Variants in DNAH6 observed in about 807,000 individuals in gnomAD.
DNAH6 encodes axonemal beta dynein heavy chain 6.
Under a neutral mutation model 491.4 loss-of-function variants are expected in DNAH6, and 340 were observed. The ratio of observed to expected loss-of-function variants is 0.69; its 90% CI spans 0.63 to 0.76. The LOEUF (loss-of-function observed/expected upper bound fraction) is 0.76, where lower values mean the gene tolerates loss of function less well. Among genes scored for constraint, DNAH6 ranks in the 30% least tolerant of loss-of-function variants. The probability of loss-of-function intolerance (pLI) is 0.00; values close to 1 mark genes in which losing one functional copy is unlikely to be tolerated. For missense variants in DNAH6, 4,443 were observed against 4,972.2 expected (o/e 0.89, Z 3.20); for synonymous variants, 1,603 against 1,686.1 (o/e 0.95, Z 1.21).
the DNAH6 span, among the ~76,000 whole-genome samples, chr2:84,469,670 G>A: frequency 6.6e-6 from 1 of 152,120 alleles, no homozygotes; most frequent in South Asian, 2.1e-4. This position sits in a 1 kb window ranked among gnomAD's most constrained non-coding sequence, Gnocchi z 4.0. Flanking sequence ...GGTAACAAAG[G>A]GATCTTTTCC....
At chr2:84,540,644 G>T (rs1223203504) in intron 4 of DNAH6, among the ~76,000 whole-genome samples, 1 of 152,096 alleles carries the variant, frequency 6.6e-6, no homozygotes. Flanking sequence ...ATAGGACAAT[G>T]ATTGACCTAC....
intron 21 of DNAH6, 105 bp from the exon 22 acceptor site, chr2:84,611,569 C>G (rs1686336386): frequency 9.8e-7 from 1 of 1,016,566 alleles, no homozygotes; most frequent in Admixed American, 2.5e-5. Flanking sequence ...TAACACCACC[C>G]TCAAGGAAAA....
chr2:84,563,706 C>A (rs1680892734), intron 11 of DNAH6, among the ~76,000 whole-genome samples: 2 of 152,120 alleles, frequency 1.3e-5, no homozygotes, highest in African/African-American at 4.8e-5. Context: ...AATTTGGTGC[C>A]ACTTGTCAAT....
Position 84,625,040 on chromosome 2 carries a change from T to TC in DNAH6, c.4492_4493insC (p.Cys1498SerfsTer27). The TC allele has an allele frequency of 6.5e-7, 1 of 1,547,752 alleles. No individual in the cohort carries two copies. ...TGCCATCCAGTGTGTGGTCTTTAAC[T>TC]GTTCAGATGGTTTGGACTACAAGGT... On this transcript the variant is annotated frameshift_variant, in exon 29 of 77. Coordinates refer to ENST00000389394, the MANE Select transcript of DNAH6 (RefSeq NM_001370.2). LOFTEE classifies it high-confidence loss of function.
At chr2:84,701,580 G>A (rs1182718701) in intron 49 of DNAH6, among the ~76,000 whole-genome samples, 1 of 152,058 alleles carries the variant, frequency 6.6e-6, no homozygotes, top group Non-Finnish European at 1.5e-5. Context: ...GGGAGGCCTC[G>A]GGAAACTTTC....
In DNAH6 at chr2:84,645,056, C is replaced by T. The variant is rs1242979436; in HGVS notation, c.5078+3002C>T. On this transcript the variant is annotated intron_variant, in intron 33 of 76. Coordinates refer to ENST00000389394, the MANE Select transcript of DNAH6 (RefSeq NM_001370.2). The stretch of plus-strand genomic sequence containing the variant: ...TGGTTGAACTAATTTACACTCCCAC[C>T]AACAGTGTAAAAGCATTCTTTTTTC... Among the ~76,000 whole-genome samples, 3 of 152,278 alleles carry T rather than the reference C, an allele frequency of 2.0e-5. No individual in the cohort carries two copies. The East Asian group carries it at 5.8e-4, about 29-fold the overall frequency.
At chr2:84,756,336 G>A (rs1047723186) in intron 63 of DNAH6, among the ~76,000 whole-genome samples, 14 of 152,290 alleles carry the variant, frequency 9.2e-5, no homozygotes, top group Middle Eastern at 3.4e-3. Context: ...ACAAGAGTAT[G>A]CAATAATTAT....
Position 84,634,523 on chromosome 2 carries a change from G to A in DNAH6, c.4535G>A (p.Ser1512Asn), listed in dbSNP as rs1315240805. Reference protein sequence around the residue: ...LDYKMMGRFFSGLAQSGAWCC... With the variant: ...LDYKMMGRFFNGLAQSGAWCC... ...TTTCAGATGATGGGGCGCTTCTTCAGTGGCTTGGCACAGTCAGGGGCCTGG... is the reference window on the plus strand; with the variant it reads ...TTTCAGATGATGGGGCGCTTCTTCAATGGCTTGGCACAGTCAGGGGCCTGG... The change falls in exon 30 of 77, where the codon AGT becomes AAT. Residue 1512 changes from serine (S) to asparagine (N), a missense_variant. Ser to Asn is a conservative substitution (Grantham distance 46). Coordinates refer to ENST00000389394, the MANE Select transcript of DNAH6 (RefSeq NM_001370.2). The A allele has an allele frequency of 6.5e-7, 1 of 1,543,620 alleles. No homozygotes were observed. The highest frequency in any genetic ancestry group is 2.5e-5 in the East Asian group (1 of 40,550).
chr2:84,555,876 A>G (rs1048502289), intron 10 of DNAH6, among the ~76,000 whole-genome samples: 1 of 152,082 alleles, frequency 6.6e-6, no homozygotes, highest in Admixed American at 6.5e-5. Context: ...GTGCTGAGCC[A>G]TGGTTGCACC....
At chr2:84,589,711 CAAAAAA>C (rs1301777970) in intron 16 of DNAH6, among the ~76,000 whole-genome samples, 3 of 58,334 alleles carry the variant, frequency 5.1e-5, no homozygotes, top group South Asian at 5.7e-4. Context: ...GACCCTGTCT[CAAAAAA>C]AAAAAAAAAA....
At chr2:84,637,720 T>A (rs1285354282) in intron 31 of DNAH6, among the ~76,000 whole-genome samples, 1 of 152,192 alleles carries the variant, frequency 6.6e-6, no homozygotes, top group Non-Finnish European at 1.5e-5. Context: ...TATTTCTCTT[T>A]GCACATTATT....
chr2:84,675,153 A>G (rs924576549), intron 40 of DNAH6, among the ~76,000 whole-genome samples: 1 of 152,120 alleles, frequency 6.6e-6, no homozygotes, highest in Non-Finnish European at 1.5e-5. Flanking sequence ...TTTCACCCTC[A>G]TGGAGCACTG....
chr2:84,672,774 C>T (rs1476304293), intron 40 of DNAH6, among the ~76,000 whole-genome samples: 6 of 152,136 alleles, frequency 3.9e-5, no homozygotes, highest in African/African-American at 1.4e-4. Flanking sequence ...AGGGCTTACC[C>T]TAATGGCCTC....
intron 31 of DNAH6, among the ~76,000 whole-genome samples, chr2:84,639,207 A>G (rs1416369871): frequency 6.6e-6 from 1 of 152,102 alleles, no homozygotes; most frequent in African/African-American, 2.4e-5. Context: ...CCCTCTCTAC[A>G]AACAGGGACA....
At chr2:84,506,880 T>C in the DNAH6 span, among the ~76,000 whole-genome samples, 15 of 152,166 alleles carry the variant, frequency 9.9e-5, no homozygotes, top group African/African-American at 3.6e-4. Flanking sequence ...TAGTTGTAGA[T>C]ATGTGGCATT....
At chr2:84,649,544 T>A (rs376193951) in intron 33 of DNAH6, among the ~76,000 whole-genome samples, 27 of 152,170 alleles carry the variant, frequency 1.8e-4, no homozygotes, top group African/African-American at 6.5e-4. Context: ...ATATTTCCCC[T>A]GGATATAGGA....
At chr2:84,569,920 T>C (rs1488142708) in intron 11 of DNAH6, among the ~76,000 whole-genome samples, 1 of 152,232 alleles carries the variant, frequency 6.6e-6, no homozygotes, top group Non-Finnish European at 1.5e-5. Context: ...TGTGGAAAGA[T>C]AAAGAAATGT....
rs937195881 is a variant in DNAH6 at position 84,653,626 on chromosome 2, A to G, written c.5386A>G (p.Ile1796Val). The G allele has an allele frequency of 3.2e-6, 5 of 1,551,284 alleles. No individual in the cohort carries two copies. The East Asian group carries it at 1.2e-4, about 38-fold the overall frequency. Residue 1796 changes from isoleucine (I) to valine (V), a missense_variant, in exon 34 of 77, where the codon ATT becomes GTT. This residue lies in a region of DNAH6 where 2,977 missense variants were observed against 3,296.6 expected (regional missense o/e 0.90). Coordinates refer to ENST00000389394, the MANE Select transcript of DNAH6 (RefSeq NM_001370.2). Reference protein sequence around the residue: ...VKTYVLNPKSITMGELYGEVN... With the variant: ...VKTYVLNPKSVTMGELYGEVN... Reference sequence around the variant, plus strand: ...AACATATGTTCTCAACCCTAAATCAATTACCATGGGTGAATTATATGGAGA... The same window carrying G: ...AACATATGTTCTCAACCCTAAATCAGTTACCATGGGTGAATTATATGGAGA...
chr2:84,620,034 C>T (rs1224269503), intron 24 of DNAH6, 130 bp downstream of exon 24: 1 of 727,870 alleles, frequency 1.4e-6, no homozygotes, highest in Admixed American at 2.9e-5. Flanking sequence ...AATTCTTGCC[C>T]TCAAAGAGCT....
Sources: gnomAD v4.1 joint callset for allele counts (sites outside exome capture counted in the v4.1 genomes callset) on GRCh38, gnomAD v4.1.1 for gene constraint, gnomAD v4.1.1 regional missense constraint, Gnocchi (gnomAD v3.1) non-coding constraint, MANE v1.5 for transcripts, NCBI Gene and HGNC (gene_info 2026-07-23, HGNC 2026-07-21) for gene names.